Variants in KCNIP4 observed in about 807,000 individuals in gnomAD.
The protein encoded by KCNIP4 is potassium voltage-gated channel interacting protein 4, also known as Kv channel-interacting protein 4.
In KCNIP4, 12 loss-of-function variants were observed where a neutral mutation model predicts 34.0. The ratio of observed to expected loss-of-function variants is 0.35; its 90% CI spans 0.23 to 0.57. The LOEUF (loss-of-function observed/expected upper bound fraction) is 0.57, where lower values mean the gene tolerates loss of function less well. Ranked by LOEUF, KCNIP4 falls within the 20% of genes least tolerant of loss-of-function variation. The probability of loss-of-function intolerance (pLI) is 0.83; values close to 1 mark genes in which losing one functional copy is unlikely to be tolerated. For synonymous variants in KCNIP4, 124 were observed against 102.2 expected (o/e 1.21, Z -1.29); for missense variants, 238 against 311.7 (o/e 0.76, Z 1.78).
intron 1 of KCNIP4, among the ~76,000 whole-genome samples, chr4:21,853,980 C>T (rs1410631127): frequency 6.6e-6 from 1 of 152,080 alleles, no homozygotes; most frequent in African/African-American, 2.4e-5. Flanking sequence ...CCATATGACC[C>T]GGGAATGGTA....
intron 1 of KCNIP4, among the ~76,000 whole-genome samples, chr4:21,857,298 C>T (rs907412824): frequency 2.0e-5 from 3 of 152,156 alleles, no homozygotes; most frequent in Non-Finnish European, 4.4e-5. Flanking sequence ...AGGGTCTCCT[C>T]TCTGCTGAGA....
chr4:21,888,010 G>A (rs560050896), intron 1 of KCNIP4, among the ~76,000 whole-genome samples: 5,736 of 152,082 alleles, frequency 0.038, 337 homozygotes, highest in African/African-American at 0.13. Flanking sequence ...CTTACTATGT[G>A]CCAGGTATTG....
chr4:21,790,073 T>G (rs1312692190), intron 1 of KCNIP4, among the ~76,000 whole-genome samples: 2 of 152,126 alleles, frequency 1.3e-5, no homozygotes, highest in African/African-American at 4.8e-5. Flanking sequence ...CGGAAAGAGC[T>G]CCAGGCAAAG....
intron 1 of KCNIP4, among the ~76,000 whole-genome samples, chr4:21,266,018 C>T (rs1327682724): frequency 6.6e-6 from 1 of 152,116 alleles, no homozygotes; most frequent in African/African-American, 2.4e-5. Context: ...ATATTATTAT[C>T]TCACAATAAT....
In KCNIP4 at chr4:20,902,317, G is replaced by C. The variant is rs140549045; in HGVS notation, c.62-19608C>G. Among the ~76,000 whole-genome samples the C allele has an allele frequency of 1.5e-3, 227 of 152,134 alleles. 1 individual carries two copies. The highest frequency in any genetic ancestry group is 0.01 in the Middle Eastern group (3 of 292). On this transcript the variant is annotated intron_variant, in intron 1 of 8. Coordinates refer to ENST00000382152, the MANE Select transcript of KCNIP4 (RefSeq NM_025221.6). Reference sequence around the variant, plus strand: ...GACAGAGGAAGAGTGATCTGTGCAGGGATGCTGGAAACCACAGGGAGACTA... The same window carrying C: ...GACAGAGGAAGAGTGATCTGTGCAGCGATGCTGGAAACCACAGGGAGACTA...
chr4:21,632,801 G>A (rs1157232133), intron 1 of KCNIP4, among the ~76,000 whole-genome samples: 5 of 152,110 alleles, frequency 3.3e-5, no homozygotes, highest in Admixed American at 6.6e-5. Flanking sequence ...GAGGTCCAGC[G>A]TAAAGTAATG....
chr4:21,207,903 C>T (rs1235056109), intron 1 of KCNIP4, among the ~76,000 whole-genome samples: 3 of 143,822 alleles, frequency 2.1e-5, no homozygotes, highest in Non-Finnish European at 4.5e-5. Context: ...AGTGCACTGG[C>T]ATGAGCTCAG....
intron 1 of KCNIP4, among the ~76,000 whole-genome samples, chr4:21,492,211 C>CA (rs1440187298): frequency 6.6e-6 from 1 of 151,952 alleles, no homozygotes; most frequent in Admixed American, 6.6e-5. Context: ...TTTCCTTGAG[C>CA]AGATATACAT....
intron 3 of KCNIP4, among the ~76,000 whole-genome samples, chr4:20,842,597 A>C (rs2149473472): frequency 6.6e-6 from 1 of 150,952 alleles, no homozygotes; most frequent in South Asian, 2.1e-4. Context: ...AAAAAAAAAA[A>C]AAAAAAAAAA....
intron 1 of KCNIP4, among the ~76,000 whole-genome samples, chr4:21,065,857 T>G (rs964310272): frequency 6.6e-5 from 10 of 150,920 alleles, no homozygotes; most frequent in African/African-American, 2.2e-4. Context: ...AAAATGTGAA[T>G]GTAAATCAGA....
chr4:21,510,092 A>G lies in KCNIP4; in HGVS notation c.61+438479T>C, dbSNP rs907358581. On this transcript the variant is annotated intron_variant, in intron 1 of 8. Coordinates refer to ENST00000382152, the MANE Select transcript of KCNIP4 (RefSeq NM_025221.6). The stretch of plus-strand genomic sequence containing the variant: ...AACTCCATCTCCAAAAAAAAAAAAA[A>G]AAAAAAAAGGCAGCAATCTGTCTCA... Among the ~76,000 whole-genome samples the G allele has an allele frequency of 4.5e-4, 69 of 151,684 alleles. No individual in the cohort carries two copies. In the East Asian group the frequency reaches 7.9e-3, roughly 17 times the overall value.
chr4:21,544,666 A>C (rs558437555), intron 1 of KCNIP4: 1 of 152,280 alleles, frequency 6.6e-6, no homozygotes, highest in Non-Finnish European at 1.5e-5. Flanking sequence ...TCAAACCTTC[A>C]AGTGCATCAA....
At chr4:21,066,521 G>A (rs374125032) in intron 1 of KCNIP4, among the ~76,000 whole-genome samples, 23 of 140,884 alleles carry the variant, frequency 1.6e-4, no homozygotes, top group Admixed American at 4.2e-4. Flanking sequence ...CCCATCCCCC[G>A]CATCCCCCTC....
chr4:21,637,345 T>A (rs1560582305), intron 1 of KCNIP4, among the ~76,000 whole-genome samples: 1 of 152,116 alleles, frequency 6.6e-6, no homozygotes, highest in East Asian at 1.9e-4. Flanking sequence ...TTGCTAGAAC[T>A]AGGATTCAAG....
intron 1 of KCNIP4, among the ~76,000 whole-genome samples, chr4:21,253,646 T>C (rs1230126806): frequency 6.6e-6 from 1 of 152,202 alleles, no homozygotes; most frequent in Non-Finnish European, 1.5e-5. Flanking sequence ...GAAAATAGAT[T>C]CTTAATACTG....
chr4:21,212,403 T>G (rs1222950822), intron 1 of KCNIP4, among the ~76,000 whole-genome samples: 1 of 152,136 alleles, frequency 6.6e-6, no homozygotes, highest in Non-Finnish European at 1.5e-5. Context: ...GTTTCCAAAG[T>G]CTCCCTTTGT....
At chr4:21,859,036 C>T (rs1378393463) in intron 1 of KCNIP4, among the ~76,000 whole-genome samples, 2 of 152,272 alleles carry the variant, frequency 1.3e-5, no homozygotes, top group African/African-American at 4.8e-5. Context: ...CAAAATCAGA[C>T]ACAAGGAAGA....
At chr4:21,458,676 G>T (rs1366211204) in intron 1 of KCNIP4, among the ~76,000 whole-genome samples, 1 of 151,980 alleles carries the variant, frequency 6.6e-6, no homozygotes, top group African/African-American at 2.4e-5. Flanking sequence ...AATGCTGCCT[G>T]GCTATCTGAC....
chr4:21,668,234 T>C (rs60745132), intron 1 of KCNIP4, among the ~76,000 whole-genome samples: 2,417 of 151,816 alleles, frequency 0.016, 65 homozygotes, highest in African/African-American at 0.055. Flanking sequence ...TATTGGGCAG[T>C]TGGGGGTGAG....
Sources: gnomAD v4.1 joint callset for allele counts (sites outside exome capture counted in the v4.1 genomes callset) on GRCh38, gnomAD v4.1.1 for gene constraint, MANE v1.5 for transcripts, NCBI Gene and HGNC (gene_info 2026-07-23, HGNC 2026-07-21) for gene names.